MPP7: variants seen among roughly 807,000 people sequenced by gnomAD.
MPP7 encodes the protein MAGUK p55 scaffold protein 7.
Under a neutral mutation model 76.5 loss-of-function variants are expected in MPP7, and 60 were observed. That is an observed-to-expected ratio of 0.78 (90% CI 0.64 to 0.97). MPP7 has a LOEUF of 0.97. Among genes scored for constraint, MPP7 ranks in the 50% least tolerant of loss-of-function variants. The pLI is 0.00. For synonymous variants in MPP7, 237 were observed against 244.5 expected (o/e 0.97, Z 0.29); for missense variants, 641 against 694.0 (o/e 0.92, Z 0.86).
chr10:28,105,672 T>C (rs1834300573), intron 11 of MPP7, among the ~76,000 whole-genome samples: 1 of 152,264 alleles, frequency 6.6e-6, no homozygotes, highest in African/African-American at 2.4e-5. Flanking sequence ...TATGCCCAGC[T>C]AATTTTTGTA....
chr10:28,122,710 A>C (rs11006886), intron 8 of MPP7, among the ~76,000 whole-genome samples: 1,721 of 152,128 alleles, frequency 0.011, 36 homozygotes, highest in African/African-American at 0.039. Flanking sequence ...TTTTCTGTAA[A>C]TGTTTTTCTT....
chr10:28,098,912 G>A (rs948078796), intron 11 of MPP7, among the ~76,000 whole-genome samples: 1 of 151,908 alleles, frequency 6.6e-6, no homozygotes, highest in South Asian at 2.1e-4. Context: ...AAGTAGTAAC[G>A]ATGAAAAAAA....
intron 7 of MPP7, 80 bp downstream of exon 7, chr10:28,124,930 T>C (rs988809910): frequency 1.7e-6 from 2 of 1,162,526 alleles, no homozygotes; most frequent in African/African-American, 1.5e-5. Context: ...CAAAGATGGT[T>C]ATCCTCTTAG....
At chr10:28,108,430 G>A (rs1321480998) in intron 11 of MPP7, among the ~76,000 whole-genome samples, 1 of 152,066 alleles carries the variant, frequency 6.6e-6, no homozygotes, top group African/African-American at 2.4e-5. Context: ...CAAGACAGGT[G>A]GATCATTAGA....
At chr10:28,240,993 A>G (rs1243445416) in intron 1 of MPP7, among the ~76,000 whole-genome samples, 2 of 152,084 alleles carry the variant, frequency 1.3e-5, no homozygotes, top group Non-Finnish European at 2.9e-5. Flanking sequence ...TCTTTATGTC[A>G]TGAGAAAAGC....
At position 28,144,937 on chromosome 10, in the gene MPP7, G is replaced by A. The variant is rs141200138; in HGVS notation, c.315+2546C>T. 1.5e-4 allele frequency among the ~76,000 whole-genome samples: 23 copies of A among 152,246 alleles called. No homozygotes were observed. The East Asian group carries it at 2.9e-3, about 19-fold the overall frequency. ...AGAATAAATGAATGAATGAAGATCC[G>A]TTGCTGGTGACATTTATAAACTGCC... On this transcript the variant is annotated intron_variant, in intron 5 of 16. Transcript: ENST00000683449.
At chr10:28,165,433 G>A (rs1038670385) in intron 3 of MPP7, among the ~76,000 whole-genome samples, 1 of 151,906 alleles carries the variant, frequency 6.6e-6, no homozygotes, top group Non-Finnish European at 1.5e-5. Flanking sequence ...GTCTTAGGTG[G>A]GAGGATTGCT....
chr10:28,170,707 A>G (rs1836651546), intron 3 of MPP7, among the ~76,000 whole-genome samples: 1 of 151,954 alleles, frequency 6.6e-6, no homozygotes, highest in African/African-American at 2.4e-5. Flanking sequence ...CTAATTTGCA[A>G]TTGAAGCCAT....
intron 1 of MPP7, among the ~76,000 whole-genome samples, chr10:28,300,061 C>T (rs1051625600): frequency 6.6e-6 from 1 of 152,202 alleles, no homozygotes; most frequent in East Asian, 1.9e-4. Flanking sequence ...GCCACCATGC[C>T]TGGCCAAAAC....
At chr10:28,065,209 T>G (rs1232641692) in intron 13 of MPP7, among the ~76,000 whole-genome samples, 1 of 152,178 alleles carries the variant, frequency 6.6e-6, no homozygotes, top group East Asian at 1.9e-4. Flanking sequence ...TGGTTGAAAA[T>G]CTGCAACACA....
chr10:28,087,865 G>A (rs954538225), intron 12 of MPP7, among the ~76,000 whole-genome samples: 10 of 152,172 alleles, frequency 6.6e-5, no homozygotes, highest in Admixed American at 2.6e-4. Flanking sequence ...GGAAATGCAT[G>A]TTCTCTCAGC....
intron 2 of MPP7, among the ~76,000 whole-genome samples, chr10:28,313,849 G>GC (rs1841303974): frequency 7.7e-6 from 1 of 129,808 alleles, no homozygotes; most frequent in Non-Finnish European, 1.6e-5. Flanking sequence ...ACTATACCTG[G>GC]CTAATTTTTT....
chr10:28,259,852 G>A (rs1036350251), intron 1 of MPP7, among the ~76,000 whole-genome samples: 4 of 151,692 alleles, frequency 2.6e-5, no homozygotes, highest in Non-Finnish European at 4.4e-5. Flanking sequence ...GCACGGTGGT[G>A]TGCCCCTGTA....
At chr10:28,254,893 G>C (rs1472351605) in intron 1 of MPP7, 1 of 152,116 alleles carries the variant, frequency 6.6e-6, no homozygotes, top group Non-Finnish European at 1.5e-5. Context: ...AAAATTAAAG[G>C]GAAAACTACT....
chr10:28,177,888 G>A (rs1015946079), intron 3 of MPP7, among the ~76,000 whole-genome samples: 2 of 152,088 alleles, frequency 1.3e-5, no homozygotes, highest in Non-Finnish European at 2.9e-5. Context: ...TACTGTGAGG[G>A]GCTCCTTTCC....
At chr10:28,264,704 C>T (rs1379842230) in intron 1 of MPP7, among the ~76,000 whole-genome samples, 44 of 151,926 alleles carry the variant, frequency 2.9e-4, no homozygotes, top group Non-Finnish European at 5.9e-5. Context: ...AAGTGGGAAG[C>T]ACAGAGCATG....
intron 8 of MPP7, among the ~76,000 whole-genome samples, chr10:28,122,839 AAAG>A (rs1306980506): frequency 2.6e-5 from 4 of 152,066 alleles, no homozygotes; most frequent in Non-Finnish European, 4.4e-5. Flanking sequence ...TTTTTTCTAT[AAAG>A]AAAGTTTTGA....
chr10:28,269,474 C>A (rs1027607625), intron 1 of MPP7, among the ~76,000 whole-genome samples: 2 of 151,814 alleles, frequency 1.3e-5, no homozygotes, highest in Admixed American at 1.3e-4. Flanking sequence ...AACATTAAAT[C>A]TTCAATTGGC....
rs1247716929 is a variant in MPP7, at chr10:28,184,888, TATAAA to T, written c.156+17260_156+17264del. Among the ~76,000 whole-genome samples the T allele has an allele frequency of 8.8e-5, 13 of 147,300 alleles. No individual in the cohort carries two copies. The East Asian group carries it at 9.7e-4, about 11-fold the overall frequency. ...ATTTTTATGATTTTTTATAATGTAA[TATAAA>T]ATAAGTTCTTTCAAATTATTATAAG... On this transcript the variant is annotated intron_variant, in intron 3 of 16. Transcript: ENST00000683449.
Sources: allele counts gnomAD v4.1 joint callset (sites outside exome capture counted in the v4.1 genomes callset), GRCh38; gene constraint gnomAD v4.1.1; transcripts MANE v1.5; gene names NCBI Gene and HGNC (gene_info 2026-07-23, HGNC 2026-07-21).